The following SLC5A4 variants were observed in gnomAD, a reference collection of about 807,000 sequenced individuals.
SLC5A4 encodes the protein solute carrier family 5 member 4.
A neutral mutation model predicts 70.3 loss-of-function variants in SLC5A4; 55 were observed. The observed-to-expected ratio is 0.78, with a 90% CI of 0.63 to 0.98. The LOEUF (loss-of-function observed/expected upper bound fraction) is 0.98. Ranked by LOEUF, SLC5A4 falls within the 50% of genes least tolerant of loss-of-function variation. SLC5A4 has a pLI of 0.00. For synonymous variants in SLC5A4, 268 were observed against 305.7 expected (o/e 0.88, Z 1.29); for missense variants, 735 against 839.2 (o/e 0.88, Z 1.53).
At chr22:32,271,146 C>G in the SLC5A4 span, 1 of 666,038 alleles carries the variant, frequency 1.5e-6, no homozygotes, top group Admixed American at 2.1e-5. Flanking sequence ...CAGAGCCCAT[C>G]CACTGGTGCC....
the SLC5A4 span, among the ~76,000 whole-genome samples, chr22:32,334,855 A>C: frequency 5.3e-5 from 8 of 152,356 alleles, no homozygotes; most frequent in African/African-American, 1.9e-4. Flanking sequence ...AGTATTGGTC[A>C]GAGTCCAGGC....
chr22:32,324,612 C>T, the SLC5A4 span, among the ~76,000 whole-genome samples: 1 of 152,332 alleles, frequency 6.6e-6, no homozygotes, highest in East Asian at 1.9e-4. Context: ...TCCCACAGGC[C>T]TTTGTAACAC....
At chr22:32,272,400 G>T in the SLC5A4 span, 1 of 906,998 alleles carries the variant, frequency 1.1e-6, no homozygotes, top group Non-Finnish European at 1.8e-6. Context: ...GCGAGCTGAC[G>T]GGCATGGCCT....
chr22:32,246,034 C>T (rs542914390), intron 5 of SLC5A4, among the ~76,000 whole-genome samples: 3 of 152,340 alleles, frequency 2.0e-5, no homozygotes, highest in African/African-American at 7.2e-5. Flanking sequence ...CATCAGGGAG[C>T]ATACTCTTCT....
chr22:32,223,152 A>G (rs1603223324), intron 13 of SLC5A4, among the ~76,000 whole-genome samples: 1 of 152,352 alleles, frequency 6.6e-6, no homozygotes, highest in East Asian at 1.9e-4. Context: ...AAACAGCTGC[A>G]TAATGTTCAG....
the SLC5A4 span, among the ~76,000 whole-genome samples, chr22:32,337,456 C>A: frequency 1.3e-5 from 2 of 152,172 alleles, no homozygotes; most frequent in South Asian, 2.1e-4. Context: ...ATTGCTTGAA[C>A]CCCGGAGGTG....
the SLC5A4 span, among the ~76,000 whole-genome samples, chr22:32,317,261 C>T: frequency 6.6e-6 from 1 of 151,856 alleles, no homozygotes; most frequent in African/African-American, 2.4e-5. Context: ...TGCAGACGAG[C>T]CAATGCTAAG....
chr22:32,300,235 G>C, the SLC5A4 span, among the ~76,000 whole-genome samples: 71,214 of 149,710 alleles, frequency 0.48, 17,181 homozygotes, highest in Admixed American at 0.51. Flanking sequence ...TGGGCAATGG[G>C]GGGCGCCCCT....
At chr22:32,341,643 T>A in the SLC5A4 span, among the ~76,000 whole-genome samples, 1 of 152,186 alleles carries the variant, frequency 6.6e-6, no homozygotes, top group Non-Finnish European at 1.5e-5. Flanking sequence ...CTTCAAAACC[T>A]ACCAAATGCT....
chr22:32,314,918 G>A, the SLC5A4 span, among the ~76,000 whole-genome samples: 2 of 152,160 alleles, frequency 1.3e-5, no homozygotes, highest in African/African-American at 2.4e-5. Context: ...TTGCCCCCAT[G>A]ATTCAATTAC....
the SLC5A4 span, among the ~76,000 whole-genome samples, chr22:32,304,010 T>C: frequency 1.3e-5 from 2 of 152,256 alleles, no homozygotes; most frequent in Non-Finnish European, 2.9e-5. Context: ...TGTGTCATGG[T>C]ATCTCATTGT....
At chr22:32,320,409 C>T in the SLC5A4 span, among the ~76,000 whole-genome samples, 2 of 152,218 alleles carry the variant, frequency 1.3e-5, no homozygotes, top group Non-Finnish European at 1.5e-5. Flanking sequence ...GGTACAAGCA[C>T]ATTCATCACA....
chr22:32,251,149 CAAAAAA>C (rs1169115054), intron 3 of SLC5A4, among the ~76,000 whole-genome samples: 1 of 22,768 alleles, frequency 4.4e-5, no homozygotes, highest in Non-Finnish European at 8.4e-5. Context: ...AACAAATAAG[CAAAAAA>C]AAAAAAAAAA....
the SLC5A4 span, chr22:32,270,043 G>A: frequency 2.1e-6 from 1 of 483,970 alleles, no homozygotes; most frequent in African/African-American, 2.0e-5. Context: ...CTGTGAGGCT[G>A]CTGACAAGGA....
the SLC5A4 span, among the ~76,000 whole-genome samples, chr22:32,319,584 T>C: frequency 2.0e-5 from 3 of 152,182 alleles, no homozygotes; most frequent in East Asian, 5.8e-4. Context: ...CTACAGTGTG[T>C]GTCTTCATAT....
the SLC5A4 span, among the ~76,000 whole-genome samples, chr22:32,352,588 T>C: frequency 3.9e-5 from 6 of 152,124 alleles, no homozygotes; most frequent in African/African-American, 1.4e-4. Flanking sequence ...CTCCTTCCCC[T>C]GGCTGCACCT....
At chr22:32,269,006 C>T in the SLC5A4 span, among the ~76,000 whole-genome samples, 1 of 152,168 alleles carries the variant, frequency 6.6e-6, no homozygotes. The surrounding 1 kb of genome is among the most constrained non-coding windows in gnomAD (Gnocchi z 4.1). Context: ...AGCGATTCTG[C>T]CTCAGCCTCC....
chr22:32,347,470 G>T, the SLC5A4 span, among the ~76,000 whole-genome samples: 7 of 152,074 alleles, frequency 4.6e-5, no homozygotes, highest in South Asian at 1.5e-3. Flanking sequence ...GTCCAACAAT[G>T]ATAGACTGGA....
chr22:32,294,558 C>T, the SLC5A4 span, among the ~76,000 whole-genome samples: 1 of 150,418 alleles, frequency 6.6e-6, no homozygotes, highest in African/African-American at 2.4e-5. Flanking sequence ...CCACTTTCCT[C>T]CTGCCCCACC....
Sources: gnomAD v4.1 joint callset for allele counts (sites outside exome capture counted in the v4.1 genomes callset) on GRCh38, gnomAD v4.1.1 for gene constraint, Gnocchi (gnomAD v3.1) non-coding constraint, MANE v1.5 for transcripts, NCBI Gene and HGNC (gene_info 2026-07-23, HGNC 2026-07-21) for gene names.